The following LHCGR variants were observed in gnomAD, a reference collection of about 807,000 sequenced individuals.
LHCGR encodes the protein luteinizing hormone/choriogonadotropin receptor.
Under a neutral mutation model 60.7 loss-of-function variants are expected in LHCGR, and 55 were observed. That is an observed-to-expected ratio of 0.91 (90% CI 0.73 to 1.13). The LOEUF (loss-of-function observed/expected upper bound fraction) is 1.13. LHCGR is among the 50% of genes most tolerant of loss of function. LHCGR has a pLI of 0.00. For synonymous variants in LHCGR, 337 were observed against 316.5 expected (o/e 1.06, Z -0.69); for missense variants, 862 against 836.0 (o/e 1.03, Z -0.38).
At chr2:48,747,347 C>T (rs941568316) in intron 1 of LHCGR, among the ~76,000 whole-genome samples, 5 of 152,190 alleles carry the variant, frequency 3.3e-5, no homozygotes. Flanking sequence ...CTACCTCAGC[C>T]TCCAGAAGTG....
chr2:48,713,095 T>A (rs1572850255), intron 7 of LHCGR, among the ~76,000 whole-genome samples: 1 of 152,182 alleles, frequency 6.6e-6, no homozygotes. Context: ...CCTACCTAGA[T>A]CCACTGAATC....
intron 10 of LHCGR, among the ~76,000 whole-genome samples, chr2:48,692,393 T>C (rs533303382): frequency 1.3e-4 from 20 of 152,370 alleles, no homozygotes; most frequent in African/African-American, 4.8e-5. Context: ...TCTGGTCCTT[T>C]GTCCTTTCTT....
At chr2:48,725,809 G>T in intron 3 of LHCGR, 59 bp from the exon 4 acceptor site, 1 of 1,342,518 alleles carries the variant, frequency 7.4e-7, no homozygotes, top group Non-Finnish European at 1.1e-6. Flanking sequence ...TGTTTGAAAT[G>T]TGTGAGATCA....
intron 8 of LHCGR, 22 bp from the exon 9 acceptor site, chr2:48,698,822 T>A (rs767149436): frequency 6.3e-7 from 1 of 1,585,524 alleles, no homozygotes; most frequent in Non-Finnish European, 8.6e-7. Context: ...AGGGGAGAAA[T>A]GCTTTTTATT....
At chr2:48,700,961 TAGAC>T (rs1447604640) in intron 8 of LHCGR, among the ~76,000 whole-genome samples, 3 of 152,020 alleles carry the variant, frequency 2.0e-5, no homozygotes, top group Non-Finnish European at 4.4e-5. Context: ...ACTTACGAAG[TAGAC>T]AGAGTGAGAA....
chr2:48,745,610 A>G (rs2103711041), intron 1 of LHCGR, among the ~76,000 whole-genome samples: 1 of 148,310 alleles, frequency 6.7e-6, no homozygotes, highest in East Asian at 2.0e-4. Context: ...AAAACCAAAC[A>G]CCGCATATTC....
intron 7 of LHCGR, 119 bp from the exon 8 acceptor site, chr2:48,709,141 A>G: frequency 1.3e-6 from 1 of 796,938 alleles, no homozygotes; most frequent in Non-Finnish European, 2.2e-6. Context: ...AAAGGGGGAA[A>G]AAGGGTAAGT....
intron 7 of LHCGR, among the ~76,000 whole-genome samples, chr2:48,710,338 G>A (rs574828101): frequency 6.6e-6 from 1 of 152,218 alleles, no homozygotes; most frequent in South Asian, 2.1e-4. Context: ...GATTCCGTTT[G>A]TTTTAATTAT....
chr2:48,716,679 C>G (rs1668264384), intron 6 of LHCGR, among the ~76,000 whole-genome samples: 2 of 152,138 alleles, frequency 1.3e-5, no homozygotes, highest in Non-Finnish European at 2.9e-5. Flanking sequence ...CTCAATTTCA[C>G]CAGAATTTTT....
Position 48,741,234 on chromosome 2 carries a change from C to T in LHCGR, c.162-9936G>A, listed in dbSNP as rs375679579. On this transcript the variant is annotated intron_variant, in intron 1 of 10. Coordinates refer to ENST00000294954, the MANE Select transcript of LHCGR (RefSeq NM_000233.4). ...GTCTGATTGGTGTACCTGAAAGTGA[C>T]GGGGAGAATGGAACCAAGTTGGAAA... 1.6e-4 allele frequency among the ~76,000 whole-genome samples: 25 copies of T among 152,212 alleles called. No homozygotes were observed. In the East Asian group the frequency reaches 2.3e-3, roughly 14 times the overall value.
Position 48,697,733 on chromosome 2 carries a change from T to C in LHCGR, c.866+882A>G, listed in dbSNP as rs539740572. ...ATCCTATCTCCTTAGGCTGCAATAA[T>C]AACCCTTTAGGGCAGTGTTGTTCCA... On this transcript the variant is annotated intron_variant, in intron 9 of 10. Transcript: ENST00000294954. 3.3e-5 allele frequency among the ~76,000 whole-genome samples: 5 copies of C among 152,300 alleles called. No homozygotes were observed. The South Asian group carries it at 1.0e-3, about 32-fold the overall frequency.
chr2:48,751,102 A>G (rs1241390525), intron 1 of LHCGR, among the ~76,000 whole-genome samples: 2 of 152,154 alleles, frequency 1.3e-5, no homozygotes, highest in African/African-American at 2.4e-5. Context: ...GATGGGGAAG[A>G]TGGAGGTGGA....
intron 1 of LHCGR, among the ~76,000 whole-genome samples, chr2:48,749,765 C>G (rs775842690): frequency 5.3e-5 from 8 of 151,330 alleles, no homozygotes; most frequent in Middle Eastern, 3.2e-3. Context: ...AATTACTACT[C>G]TCCAAGGAGG....
At chr2:48,696,960 A>G (rs1667145496) in intron 9 of LHCGR, among the ~76,000 whole-genome samples, 1 of 152,120 alleles carries the variant, frequency 6.6e-6, no homozygotes, top group Non-Finnish European at 1.5e-5. Flanking sequence ...CCCCCAAACC[A>G]TCCTCTACCT....
chr2:48,701,577 C>T (rs1667412044), intron 8 of LHCGR, among the ~76,000 whole-genome samples: 2 of 152,150 alleles, frequency 1.3e-5, no homozygotes, highest in South Asian at 4.1e-4. Flanking sequence ...CTTCCCTCAC[C>T]ATCCCCTTTA....
At chr2:48,709,809 G>T (rs2104421440) in intron 7 of LHCGR, among the ~76,000 whole-genome samples, 1 of 152,266 alleles carries the variant, frequency 6.6e-6, no homozygotes, top group African/African-American at 2.4e-5. Context: ...TCCTTTCTGG[G>T]CCCTGACACT....
At chr2:48,698,908 C>T in intron 8 of LHCGR, 108 bp from the exon 9 acceptor site, 2 of 841,058 alleles carry the variant, frequency 2.4e-6, no homozygotes, top group South Asian at 3.2e-5. Flanking sequence ...GTGGCACGAC[C>T]TCGGCTCACT....
chr2:48,739,570 C>T (rs1439305239), intron 1 of LHCGR, among the ~76,000 whole-genome samples: 1 of 151,894 alleles, frequency 6.6e-6, no homozygotes, highest in Non-Finnish European at 1.5e-5. Flanking sequence ...GGACAAAAAA[C>T]CAAACACTGC....
chr2:48,695,202 C>G (rs905650707), intron 9 of LHCGR, among the ~76,000 whole-genome samples: 1 of 152,084 alleles, frequency 6.6e-6, no homozygotes, highest in Non-Finnish European at 1.5e-5. Flanking sequence ...AGACCTTTGT[C>G]AAATGCATAG....
Sources: allele counts gnomAD v4.1 joint callset (sites outside exome capture counted in the v4.1 genomes callset), GRCh38; gene constraint gnomAD v4.1.1; transcripts MANE v1.5; gene names NCBI Gene and HGNC (gene_info 2026-07-23, HGNC 2026-07-21).